Variants in ZNF385D observed in about 807,000 individuals in gnomAD.
The protein encoded by ZNF385D is zinc finger protein 659.
In ZNF385D, 15 loss-of-function variants were observed where a neutral mutation model predicts 35.8. That is an observed-to-expected ratio of 0.42 (90% CI 0.28 to 0.64). The LOEUF (loss-of-function observed/expected upper bound fraction) is 0.64. Among genes scored for constraint, ZNF385D ranks in the 30% least tolerant of loss-of-function variants. The probability of loss-of-function intolerance (pLI) is 0.23; values close to 1 mark genes in which losing one functional copy is unlikely to be tolerated. For missense variants in ZNF385D, 474 were observed against 494.6 expected (o/e 0.96, Z 0.39); for synonymous variants, 212 against 186.8 (o/e 1.13, Z -1.10).
intron 3 of ZNF385D, among the ~76,000 whole-genome samples, chr3:21,982,375 T>C (rs73048156): frequency 0.13 from 19,783 of 152,116 alleles, 1,469 homozygotes; most frequent in Non-Finnish European, 0.16. Flanking sequence ...CTGATTTGGC[T>C]CTTGGTTTGG....
At chr3:21,798,155 C>A (rs1015137352) in intron 3 of ZNF385D, among the ~76,000 whole-genome samples, 10 of 152,104 alleles carry the variant, frequency 6.6e-5, no homozygotes, top group African/African-American at 2.2e-4. Context: ...AATCTCTGTA[C>A]CTGCCTTTTA....
At chr3:21,815,746 G>A (rs544751760) in intron 3 of ZNF385D, among the ~76,000 whole-genome samples, 121 of 152,256 alleles carry the variant, frequency 7.9e-4, no homozygotes, top group Admixed American at 1.5e-3. Context: ...AATTCTACCA[G>A]AGGTACAAAG....
At chr3:22,036,560 T>G (rs1469004209) in intron 3 of ZNF385D, among the ~76,000 whole-genome samples, 1 of 151,730 alleles carries the variant, frequency 6.6e-6, no homozygotes, top group Non-Finnish European at 1.5e-5. Context: ...GCAAATGAAT[T>G]TTTTTTTAGG....
At chr3:22,328,341 C>T (rs1466994424) in intron 2 of ZNF385D, among the ~76,000 whole-genome samples, 2 of 151,916 alleles carry the variant, frequency 1.3e-5, no homozygotes, top group South Asian at 4.2e-4. Flanking sequence ...TTTTACAATT[C>T]TGATTATAAA....
chr3:21,950,066 ATAC>A (rs755050891), intron 3 of ZNF385D, among the ~76,000 whole-genome samples: 4 of 152,012 alleles, frequency 2.6e-5, no homozygotes, highest in Non-Finnish European at 5.9e-5. Context: ...CTTTGGGTAT[ATAC>A]CCAGTAATGG....
At chr3:21,725,013 G>C (rs151090157) in intron 1 of ZNF385D, among the ~76,000 whole-genome samples, 1 of 151,978 alleles carries the variant, frequency 6.6e-6, no homozygotes, top group African/African-American at 2.4e-5. Context: ...AAATTAGTAC[G>C]CAGGATTAAG....
chr3:22,096,033 G>A (rs1164057141), intron 3 of ZNF385D, among the ~76,000 whole-genome samples: 1 of 151,910 alleles, frequency 6.6e-6, no homozygotes, highest in Non-Finnish European at 1.5e-5. Context: ...TGAAAATAAA[G>A]AATTTGAAGG....
chr3:21,893,672 T>A (rs1248054590), intron 3 of ZNF385D, among the ~76,000 whole-genome samples: 3 of 152,162 alleles, frequency 2.0e-5, no homozygotes, highest in Non-Finnish European at 4.4e-5. Context: ...CCAACAGTAT[T>A]CTGAAGGTTG....
chr3:22,173,365 G>T (rs928041692), intron 2 of ZNF385D, among the ~76,000 whole-genome samples: 3 of 152,150 alleles, frequency 2.0e-5, no homozygotes, highest in Non-Finnish European at 2.9e-5. Flanking sequence ...TAAATGTACC[G>T]TATTTACAAA....
At chr3:22,235,295 G>A (rs1368893052) in intron 2 of ZNF385D, among the ~76,000 whole-genome samples, 1 of 152,014 alleles carries the variant, frequency 6.6e-6, no homozygotes, top group Non-Finnish European at 1.5e-5. Flanking sequence ...AAACAGTAAT[G>A]AATATTTAAA....
intron 3 of ZNF385D, among the ~76,000 whole-genome samples, chr3:21,842,359 T>C (rs1324245962): frequency 6.6e-6 from 1 of 151,956 alleles, no homozygotes; most frequent in East Asian, 1.9e-4. Flanking sequence ...AGAATGAATT[T>C]TGGCCTGAGA....
intron 2 of ZNF385D, among the ~76,000 whole-genome samples, chr3:22,352,683 A>G (rs1418020679): frequency 6.6e-6 from 1 of 152,150 alleles, no homozygotes; most frequent in Non-Finnish European, 1.5e-5. Context: ...TCACCAAGCA[A>G]TTCCAAATTA....
chr3:22,312,952 C>A (rs1306621054), intron 2 of ZNF385D, among the ~76,000 whole-genome samples: 3 of 141,706 alleles, frequency 2.1e-5, no homozygotes, highest in Non-Finnish European at 4.5e-5. Context: ...CACATGCACA[C>A]GTATGTTTAT....
intron 3 of ZNF385D, among the ~76,000 whole-genome samples, chr3:21,906,903 A>C (rs114828803): frequency 7.0e-4 from 106 of 152,204 alleles, no homozygotes; most frequent in African/African-American, 2.5e-3. Context: ...TTGCCAGGTA[A>C]ACTAGCTTCA....
At chr3:21,422,482 A>G (rs1575115630) in intron 7 of ZNF385D, among the ~76,000 whole-genome samples, 3 of 152,262 alleles carry the variant, frequency 2.0e-5, no homozygotes, top group African/African-American at 2.4e-5. Context: ...CTTCTCCCTA[A>G]CTCATTCTAT....
At chr3:22,182,404 C>A (rs992139547) in intron 2 of ZNF385D, among the ~76,000 whole-genome samples, 1 of 152,050 alleles carries the variant, frequency 6.6e-6, no homozygotes, top group African/African-American at 2.4e-5. Context: ...TTAACTCTTT[C>A]CCATATGAAG....
At chr3:22,167,451 C>A (rs1000660822) in intron 3 of ZNF385D, among the ~76,000 whole-genome samples, 1 of 152,192 alleles carries the variant, frequency 6.6e-6, no homozygotes, top group Non-Finnish European at 1.5e-5. Flanking sequence ...TGTTCCATTG[C>A]TCAATAAATT....
intron 2 of ZNF385D, among the ~76,000 whole-genome samples, chr3:21,594,660 C>T (rs189961873): frequency 6.6e-6 from 1 of 152,258 alleles, no homozygotes; most frequent in Non-Finnish European, 1.5e-5. Flanking sequence ...GCTTGGTGAT[C>T]AGTCTGATGT....
rs542907471 is a variant in ZNF385D, at chr3:22,033,275, G to C, written c.325+135542C>G. ...AAATCAGCCTGGCATGGTGGCGCGT[G>C]CCTGTCATCCCAGCTACTCTGGAGG... On this transcript the variant is annotated intron_variant, in intron 3 of 5. Transcript: ENST00000494108. 3.5e-3 allele frequency among the ~76,000 whole-genome samples: 528 copies of C among 151,932 alleles called. 3 individuals are homozygous for C. The highest frequency in any genetic ancestry group is 0.012 in the African/African-American group (509 of 41,456).
Sources: allele counts gnomAD v4.1 joint callset (sites outside exome capture counted in the v4.1 genomes callset), GRCh38; gene constraint gnomAD v4.1.1; transcripts MANE v1.5; gene names NCBI Gene and HGNC (gene_info 2026-07-23, HGNC 2026-07-21).